The following PKHD1 variants were observed in gnomAD, a reference collection of about 807,000 sequenced individuals.
PKHD1 encodes PKHD1 ciliary IPT domain containing fibrocystin/polyductin.
A neutral mutation model predicts 412.0 loss-of-function variants in PKHD1; 291 were observed. The observed-to-expected ratio is 0.71, with a 90% CI of 0.64 to 0.78. The LOEUF (loss-of-function observed/expected upper bound fraction) is 0.78, where lower values mean the gene tolerates loss of function less well. Ranked by LOEUF, PKHD1 falls within the 30% of genes least tolerant of loss-of-function variation. PKHD1 has a pLI of 0.00. For synonymous variants in PKHD1, 1,777 were observed against 1,821.5 expected (o/e 0.98, Z 0.62); for missense variants, 4,825 against 4,950.7 (o/e 0.97, Z 0.76).
chr6:51,804,477 T>C lies in PKHD1; in HGVS notation c.8303-13104A>G, dbSNP rs756233399. 1.4e-4 allele frequency among the ~76,000 whole-genome samples: 21 copies of C among 145,994 alleles called. 1 individual carries two copies. The highest frequency in any genetic ancestry group is 2.4e-4 in the Non-Finnish European group (16 of 67,926). The stretch of plus-strand genomic sequence containing the variant: ...AGCTATTGTTTTCATATGCCCAACA[T>C]GTAGCTTGGAGTACTTGCTCTATAC... On this transcript the variant is annotated intron_variant, in intron 52 of 66. Transcript: ENST00000371117.
chr6:51,705,846 A>C lies in PKHD1; in HGVS notation c.10156+38539T>G, dbSNP rs994318393. 3.3e-5 allele frequency among the ~76,000 whole-genome samples: 5 copies of C among 152,304 alleles called. No individual in the cohort carries two copies. In the East Asian group the frequency reaches 9.6e-4, roughly 29 times the overall value. ...TTGCCTGCTTCATGGTCATGGGCAG[A>C]GAAGGGCAATTGTGATTAATCACAG... On this transcript the variant is annotated intron_variant, in intron 60 of 66. Transcript: ENST00000371117.
chr6:51,978,060 C>CA (rs1794685425), intron 35 of PKHD1, among the ~76,000 whole-genome samples: 1 of 152,096 alleles, frequency 6.6e-6, no homozygotes, highest in Non-Finnish European at 1.5e-5. Context: ...ATAATGAAGC[C>CA]ACAGAAAATC....
At position 51,746,833 on chromosome 6, in the gene PKHD1, T is replaced by G; in HGVS notation, c.9886A>C (p.Ile3296Leu). ...CCACTGTTCTCTGCATTTGGTAGAA[T>G]GCAGACATCCAGGTCATCGCTATAG... ...SCYSDDLDVC[I>L]LPNAENSGIM... Residue 3296 changes from isoleucine to leucine, a missense_variant, in exon 59 of 67, where the codon ATT becomes CTT. By Grantham distance (5) the Ile-to-Leu change is conservative (BLOSUM62 2). Coordinates refer to ENST00000371117, the MANE Select transcript of PKHD1 (RefSeq NM_138694.4). 6.2e-7 allele frequency: 1 copy of G among 1,611,450 alleles called. No homozygotes were observed. Among genetic ancestry groups the G allele is most frequent in the Non-Finnish European group, 8.5e-7 (1 of 1,177,844 alleles).
At chr6:51,821,571 C>T (rs1227729450) in intron 52 of PKHD1, among the ~76,000 whole-genome samples, 1 of 152,224 alleles carries the variant, frequency 6.6e-6, no homozygotes, top group African/African-American at 2.4e-5. Context: ...GACTTCAATT[C>T]TTACCTCCAG....
intron 11 of PKHD1, among the ~76,000 whole-genome samples, chr6:52,067,787 A>G (rs1331171730): frequency 1.3e-5 from 2 of 152,200 alleles, no homozygotes; most frequent in Admixed American, 6.5e-5. Context: ...AAAGCTGGAG[A>G]AACAGACAAG....
rs754096550 is a variant in PKHD1, at chr6:52,053,235, T to G, written c.1981A>C (p.Thr661Pro). The G allele has an allele frequency of 3.7e-6, 6 of 1,614,162 alleles. No homozygotes were observed. The highest frequency in any genetic ancestry group is 5.1e-6 in the Non-Finnish European group (6 of 1,180,008). Residue 661 changes from threonine to proline, a missense_variant, in exon 21 of 67, where the codon ACT (threonine) becomes CCT (proline). Thr to Pro is a conservative substitution (Grantham distance 38). Transcript: ENST00000371117. ...TSPESWQFDCTDLWETCVRCF... is the reference protein window; with the variant it reads ...TSPESWQFDCPDLWETCVRCF... The stretch of plus-strand genomic sequence containing the variant: ...CGCACACAAGTCTCCCAGAGGTCAG[T>G]GCAATCGAACTGCCAGCTGAAAAAC...
intron 52 of PKHD1, among the ~76,000 whole-genome samples, chr6:51,827,952 T>C (rs905335935): frequency 1.3e-5 from 2 of 152,164 alleles, no homozygotes; most frequent in African/African-American, 2.4e-5. Context: ...GTTCATTGCA[T>C]TGCATACCTC....
At chr6:51,936,905 C>T (rs929600667) in intron 36 of PKHD1, among the ~76,000 whole-genome samples, 13 of 152,228 alleles carry the variant, frequency 8.5e-5, no homozygotes, top group African/African-American at 3.1e-4. Context: ...TTAAACGGCC[C>T]TGCAAAGCTG....
chr6:51,887,323 A>C (rs1322480302), intron 43 of PKHD1, 78 bp from the exon 44 acceptor site: 2 of 859,088 alleles, frequency 2.3e-6, no homozygotes, highest in Non-Finnish European at 4.0e-6. Context: ...TCTTGTTTGT[A>C]CTCATCCCAA....
intron 55 of PKHD1, 37 bp downstream of exon 55, chr6:51,772,665 A>C (rs1790344093): frequency 9.4e-7 from 1 of 1,064,300 alleles, no homozygotes; most frequent in African/African-American, 1.6e-5. Flanking sequence ...CCTAAACAAC[A>C]ACCAAGAAAA....
intron 48 of PKHD1, among the ~76,000 whole-genome samples, chr6:51,863,275 G>A (rs987840809): frequency 2.0e-5 from 3 of 152,070 alleles, no homozygotes; most frequent in Admixed American, 6.5e-5. Context: ...ACTATTTTAT[G>A]TACGTCCTGT....
In PKHD1 at chr6:52,054,036, A is replaced by G; in HGVS notation, c.1964+2T>C. 1 of 1,613,428 alleles carries G rather than the reference A, an allele frequency of 6.2e-7. No homozygotes were observed. Among genetic ancestry groups the G allele is most frequent in the Non-Finnish European group, 8.5e-7 (1 of 1,179,716 alleles). ...CACCACGCCTCCCCACCGATTAGCT[A>G]CCTCTCGGGGCTGGTCCTCGTGAGA... On this transcript the variant is annotated splice_donor_variant, in intron 20 of 66. Transcript: ENST00000371117. LOFTEE classifies it high-confidence loss of function.
chr6:52,028,519 A>T (rs900224896), intron 29 of PKHD1, among the ~76,000 whole-genome samples, 168 bp from the exon 30 acceptor site: 18 of 143,838 alleles, frequency 1.3e-4, no homozygotes, highest in African/African-American at 4.4e-4. Context: ...TCTAACAACT[A>T]TTTTTTTTTT....
At chr6:51,843,342 G>T (rs995122568) in intron 50 of PKHD1, among the ~76,000 whole-genome samples, 1 of 152,246 alleles carries the variant, frequency 6.6e-6, no homozygotes, top group African/African-American at 2.4e-5. Context: ...GCTGAGACTC[G>T]ATGTAGGCCT....
intron 51 of PKHD1, among the ~76,000 whole-genome samples, chr6:51,831,476 T>C (rs1296866934): frequency 2.0e-5 from 3 of 152,220 alleles, no homozygotes; most frequent in African/African-American, 7.2e-5. Context: ...GTAAACATAA[T>C]TTTAGTGGCT....
chr6:52,051,541 T>A (rs184323907), intron 21 of PKHD1, among the ~76,000 whole-genome samples: 38 of 152,306 alleles, frequency 2.5e-4, no homozygotes, highest in Admixed American at 4.6e-4. Flanking sequence ...ATCTTCCCTC[T>A]TGTCTCCGCC....
intron 36 of PKHD1, among the ~76,000 whole-genome samples, chr6:51,944,481 C>T (rs979893661): frequency 3.3e-5 from 5 of 152,012 alleles, no homozygotes. Context: ...TATTTCTGAC[C>T]ACCAGCTGAC....
chr6:51,936,515 T>C (rs1787505684), intron 36 of PKHD1, among the ~76,000 whole-genome samples: 1 of 152,138 alleles, frequency 6.6e-6, no homozygotes, highest in Non-Finnish European at 1.5e-5. Flanking sequence ...CTGGAAGTAG[T>C]TAAACATGCA....
intron 61 of PKHD1, among the ~76,000 whole-genome samples, chr6:51,655,552 T>A (rs181124489): frequency 6.6e-6 from 1 of 152,256 alleles, no homozygotes; most frequent in Non-Finnish European, 1.5e-5. Context: ...CCAAAATTCA[T>A]GGCAATGTCA....
Sources: gnomAD v4.1 joint callset for allele counts (sites outside exome capture counted in the v4.1 genomes callset) on GRCh38, gnomAD v4.1.1 for gene constraint, MANE v1.5 for transcripts, NCBI Gene and HGNC (gene_info 2026-07-23, HGNC 2026-07-21) for gene names.